CFHR5: variants seen among roughly 807,000 people sequenced by gnomAD.
CFHR5 encodes the protein complement factor H related 5.
Under a neutral mutation model 62.9 loss-of-function variants are expected in CFHR5, and 73 were observed. The observed-to-expected ratio is 1.16, with a 90% confidence interval of 0.96 to 1.41. The LOEUF (loss-of-function observed/expected upper bound fraction) is 1.41. Among genes scored for constraint, CFHR5 ranks in the 40% most tolerant of loss-of-function variants. CFHR5 has a pLI of 0.00. For missense variants in CFHR5, 779 were observed against 679.9 expected (o/e 1.15, Z -1.62); for synonymous variants, 249 against 227.2 (o/e 1.10, Z -0.86).
intron 3 of CFHR5, among the ~76,000 whole-genome samples, chr1:196,993,079 T>C (rs1156586469): frequency 6.6e-6 from 1 of 152,272 alleles, no homozygotes; most frequent in East Asian, 1.9e-4. Context: ...CATATACATA[T>C]CTATTTCTAA....
intron 4 of CFHR5, among the ~76,000 whole-genome samples, chr1:196,995,336 A>T (rs990559226): frequency 7.9e-6 from 1 of 126,366 alleles, no homozygotes; most frequent in Non-Finnish European, 2.0e-5. Flanking sequence ...GATATTTTGT[A>T]TATGTAGGCA....
chr1:196,981,402 G>T (rs1426032773), intron 1 of CFHR5, among the ~76,000 whole-genome samples: 1 of 151,896 alleles, frequency 6.6e-6, no homozygotes, highest in African/African-American at 2.4e-5. Flanking sequence ...ATGTGGCAGG[G>T]AAGAGGAAGT....
At chr1:196,977,218 T>C (rs1450274753), upstream of CFHR5, among the ~76,000 whole-genome samples, 1 of 150,988 alleles carries the variant, frequency 6.6e-6, no homozygotes. Flanking sequence ...ACTACAAAAG[T>C]GATATTGTTG....
Position 196,984,001 on chromosome 1 carries a change from AT to A in CFHR5, c.295del (p.Ser99LeufsTer4), listed in dbSNP as rs1182324026. On this transcript the variant is annotated frameshift_variant, in exon 3 of 10. Coordinates refer to ENST00000256785, the MANE Select transcript of CFHR5 (RefSeq NM_030787.4). LOFTEE classifies it high-confidence loss of function. ...CTTTTGTGAAAAATGGTCATTCTGA[AT>A]CTTCAGGACTAATACATCTGGAAGG... The part of the protein sequence containing the change: ...FPFVKNGHSE[S>X]SGLIHLEGDT... The A allele has an allele frequency of 6.2e-7, 1 of 1,612,522 alleles. No individual in the cohort carries two copies. Among genetic ancestry groups the A allele is most frequent in the African/African-American group, 1.3e-5 (1 of 74,874 alleles).
chr1:196,977,713 G>A lies in CFHR5; in HGVS notation c.49G>A (p.Gly17Arg), dbSNP rs1255131251. The A allele has an allele frequency of 1.2e-6, 2 of 1,611,568 alleles. No homozygotes were observed. Among genetic ancestry groups the A allele is most frequent in the African/African-American group, 2.7e-5 (2 of 74,856 alleles). The change falls in exon 1 of 10, where the codon GGG becomes AGG. Residue 17 changes from glycine to arginine, a missense_variant. Transcript: ENST00000256785. ...VILISWVSTV[G>R]GEGTLCDFPK... ...CCTAATCTCATGGGTATCCACTGTT[G>A]GGGGAGAAGGTAAGTTGAAAACAGA... is the stretch of plus-strand genomic sequence containing the variant.
At chr1:197,008,317 A>C (rs956555779) in intron 9 of CFHR5, among the ~76,000 whole-genome samples, 170 bp from the exon 10 acceptor site, 2 of 151,720 alleles carry the variant, frequency 1.3e-5, no homozygotes, top group African/African-American at 4.8e-5. Context: ...GCCCATACAC[A>C]GTGCTAAGAA....
chr1:196,995,684 A>G (rs1480210005), intron 4 of CFHR5, 33 bp from the exon 5 acceptor site: 2 of 1,575,514 alleles, frequency 1.3e-6, no homozygotes, highest in Non-Finnish European at 1.7e-6. Context: ...TTATAAGACC[A>G]TTTAAGCATT....
Position 196,998,123 on chromosome 1 carries a change from T to G in CFHR5, c.971-5T>G. ...TTAGTTTCTATTTAATATTATTTTT[T>G]ATAGCAACACACCAACTTAAGAGGT... On this transcript the variant is annotated splice_polypyrimidine_tract_variant and splice_region_variant and intron_variant, in intron 6 of 9. Transcript: ENST00000256785. 6.7e-7 allele frequency: 1 copy of G among 1,497,242 alleles called. No individual in the cohort carries two copies. Among genetic ancestry groups the G allele is most frequent in the Non-Finnish European group, 9.1e-7 (1 of 1,101,418 alleles). The allele number at this position is 1,497,242 out of a possible 1,614,324, so 92.7% of individuals were successfully genotyped here.
At chr1:197,001,860 G>A (rs777793902) in intron 7 of CFHR5, among the ~76,000 whole-genome samples, 7 of 151,998 alleles carry the variant, frequency 4.6e-5, no homozygotes, top group African/African-American at 7.2e-5. Flanking sequence ...GTAAGGGCAT[G>A]AGCCCAGGTC....
chr1:196,983,850 A>G (rs1044016428), intron 2 of CFHR5, 111 bp from the exon 3 acceptor site: 21 of 699,500 alleles, frequency 3.0e-5, no homozygotes, highest in Middle Eastern at 8.0e-4. Flanking sequence ...TCTTTTGAAA[A>G]TATTTACACA....
At chr1:196,979,681 C>T (rs1385446608) in intron 1 of CFHR5, among the ~76,000 whole-genome samples, 1 of 152,020 alleles carries the variant, frequency 6.6e-6, no homozygotes, top group Non-Finnish European at 1.5e-5. Context: ...CCATACACTA[C>T]TGTAAACTTC....
rs537205277 is a variant in CFHR5 at position 196,979,293 on chromosome 1, CAT to C, written c.58+1573_58+1574del. Among the ~76,000 whole-genome samples the C allele has an allele frequency of 5.8e-4, 78 of 133,668 alleles. 4 individuals are homozygous for C. In the South Asian group the frequency reaches 0.018, roughly 30 times the overall value. 87.7% of individuals were successfully genotyped at this position (133,668 alleles called of 152,430 possible). On this transcript the variant is annotated intron_variant, in intron 1 of 9. Coordinates refer to ENST00000256785, the MANE Select transcript of CFHR5 (RefSeq NM_030787.4). ...GTGTGTGTGTGTGTGTGTGTACACT[CAT>C]ACATCACTTAATGATAGGAAAACGT...
chr1:196,979,324 G>T (rs1269098801), intron 1 of CFHR5, among the ~76,000 whole-genome samples: 1 of 151,504 alleles, frequency 6.6e-6, no homozygotes, highest in East Asian at 1.9e-4. Flanking sequence ...AAAACGTTCT[G>T]AGAAGTGTGT....
intron 3 of CFHR5, among the ~76,000 whole-genome samples, chr1:196,992,030 G>T (rs1653859968): frequency 3.9e-5 from 6 of 152,228 alleles, no homozygotes; most frequent in Admixed American, 3.9e-4. Context: ...TTGCTGAGCT[G>T]CAGTGGTCTC....
chr1:196,982,588 A>G (rs538909247), intron 1 of CFHR5, among the ~76,000 whole-genome samples: 1 of 152,032 alleles, frequency 6.6e-6, no homozygotes. Context: ...CAGGAGAATC[A>G]CTTGAACCCA....
Position 197,002,568 on chromosome 1 carries a change from A to C in CFHR5, c.1234A>C (p.Lys412Gln). Reference protein sequence around the residue: ...TTTVNYQDGEKVAVLCKENYL... With the variant: ...TTTVNYQDGEQVAVLCKENYL... ...CACAGTGAATTATCAGGATGGAGAA[A>C]AAGTAGCTGTTCTCTGTAAAGAAAA... Residue 412 changes from lysine to glutamine, a missense_variant, in exon 8 of 10, where the codon AAA (lysine) becomes CAA (glutamine). Physicochemically the swap from Lys to Gln is moderately conservative, Grantham distance 53. Coordinates refer to ENST00000256785, the MANE Select transcript of CFHR5 (RefSeq NM_030787.4). 2 of 1,613,410 alleles carry C rather than the reference A, an allele frequency of 1.2e-6. No homozygotes were observed. Among genetic ancestry groups the C allele is most frequent in the Non-Finnish European group, 1.7e-6 (2 of 1,179,486 alleles).
At chr1:196,993,439 C>T (rs960812785) in intron 3 of CFHR5, among the ~76,000 whole-genome samples, 4 of 152,014 alleles carry the variant, frequency 2.6e-5, no homozygotes, top group African/African-American at 7.2e-5. Context: ...GGACTATAGG[C>T]GCCCACCACC....
chr1:197,004,602 C>T, intron 8 of CFHR5, 59 bp from the exon 9 acceptor site: 2 of 1,280,568 alleles, frequency 1.6e-6, no homozygotes, highest in South Asian at 2.4e-5. Flanking sequence ...CATGATGCTT[C>T]ATTATATTAT....
rs1195073771 is a variant in CFHR5, at chr1:196,984,051, A to G, written c.344A>G (p.Asn115Ser). The G allele has an allele frequency of 1.2e-5, 19 of 1,613,504 alleles. No homozygotes were observed. The highest frequency in any genetic ancestry group is 5.5e-5 in the South Asian group (5 of 91,064). Residue 115 changes from asparagine to serine, a missense_variant, in exon 3 of 10, where the codon AAC (asparagine) becomes AGC (serine). By Grantham distance (46) the Asn-to-Ser change is conservative (BLOSUM62 1). Transcript: ENST00000256785. The part of the protein sequence containing the change: ...LEGDTVQIIC[N>S]TGYSLQNNEK... ...GGTGATACTGTACAAATTATTTGCA[A>G]CACAGGATACAGCCTTCAAAACAAT...
Sources: allele counts gnomAD v4.1 joint callset (sites outside exome capture counted in the v4.1 genomes callset), GRCh38; gene constraint gnomAD v4.1.1; transcripts MANE v1.5; gene names NCBI Gene and HGNC (gene_info 2026-07-23, HGNC 2026-07-21).